The following FMN1 variants were observed in gnomAD, a reference collection of about 807,000 sequenced individuals.
The protein encoded by FMN1 is formin 1, also known as formin-1.
FMN1 carries 110 observed loss-of-function variants against 132.4 expected under a neutral mutation model. The observed-to-expected ratio is 0.83, with a 90% confidence interval of 0.71 to 0.97. FMN1 has a LOEUF of 0.97. Among genes scored for constraint, FMN1 ranks in the 50% least tolerant of loss-of-function variants. The pLI is 0.00. For missense variants in FMN1, 1,792 were observed against 1,705.3 expected, an observed-to-expected ratio of 1.05 and a Z score of -0.90; for synonymous variants, 722 against 651.7, an observed-to-expected ratio of 1.11 and a Z score of -1.64.
intron 4 of FMN1, among the ~76,000 whole-genome samples, chr15:33,138,669 T>C (rs1963876860): frequency 6.6e-6 from 1 of 152,172 alleles, no homozygotes; most frequent in Non-Finnish European, 1.5e-5. Context: ...GCTCTGATTA[T>C]TCTAAAACAC....
At chr15:32,987,874 T>C (rs2033170156) in intron 7 of FMN1, among the ~76,000 whole-genome samples, 1 of 152,218 alleles carries the variant, frequency 6.6e-6, no homozygotes, top group South Asian at 2.1e-4. Context: ...TCGTTGAGTA[T>C]AATTTAGTTT....
At chr15:32,945,469 C>T (rs1328385819) in intron 9 of FMN1, among the ~76,000 whole-genome samples, 2 of 152,124 alleles carry the variant, frequency 1.3e-5, no homozygotes, top group African/African-American at 4.8e-5. Flanking sequence ...TATAATTTCT[C>T]ATCTAATAAT....
rs79857798 is a variant in FMN1 at position 32,813,485 on chromosome 15, C to T, written c.3929-9153G>A. On this transcript the variant is annotated intron_variant, in intron 17 of 20. Transcript: ENST00000616417. Reference sequence around the variant, plus strand: ...TTTGCCCCAAGGTAAGTCTTTCAACCATTTACAATACTGACAAAACACTTG... The same window carrying T: ...TTTGCCCCAAGGTAAGTCTTTCAACTATTTACAATACTGACAAAACACTTG... Among the ~76,000 whole-genome samples the T allele has an allele frequency of 2.6e-5, 4 of 152,260 alleles. No homozygotes were observed. The East Asian group carries it at 5.8e-4, about 22-fold the overall frequency.
Position 33,064,973 on chromosome 15 carries a change from C to T in FMN1, c.2145G>A (p.Leu715=). The T allele has an allele frequency of 6.2e-7, 1 of 1,612,384 alleles. No individual in the cohort carries two copies. The highest frequency in any genetic ancestry group is 1.3e-5 in the African/African-American group (1 of 75,002). The change falls in exon 6 of 21, where the codon CTG becomes CTA. Residue 715 remains leucine, a synonymous_variant. Transcript: ENST00000616417. ...KTKDTEEKVG[L]KYTEAEYQAA... ...TCACATTACCTGCTTCAGTGTACTT[C>T]AGTCCCACTTTTTCTTCTGTGTCTT...
At chr15:32,908,698 ACAT>A (rs2060488309) in intron 11 of FMN1, 120 bp from the exon 12 acceptor site, 1 of 627,074 alleles carries the variant, frequency 1.6e-6, no homozygotes, top group Non-Finnish European at 2.8e-6. Flanking sequence ...AGCATCAACA[ACAT>A]CACCTGTCAC....
chr15:32,797,002 A>G (rs2057311798), intron 19 of FMN1, among the ~76,000 whole-genome samples: 1 of 152,150 alleles, frequency 6.6e-6, no homozygotes, highest in South Asian at 2.1e-4. Context: ...TGACCCTGTA[A>G]AGGGGTTGGT....
intron 4 of FMN1, among the ~76,000 whole-genome samples, chr15:33,130,393 A>C (rs2140224457): frequency 1.3e-5 from 2 of 152,360 alleles, no homozygotes; most frequent in South Asian, 4.1e-4. Flanking sequence ...CAGTTTTATG[A>C]AACAATGTAG....
At chr15:33,045,876 T>C (rs2036656568) in intron 6 of FMN1, among the ~76,000 whole-genome samples, 1 of 152,184 alleles carries the variant, frequency 6.6e-6, no homozygotes, top group Non-Finnish European at 1.5e-5. Flanking sequence ...AAAGCCAATA[T>C]TTCAAATAAA....
intron 16 of FMN1, among the ~76,000 whole-genome samples, chr15:32,878,866 T>C (rs2059698337): frequency 6.6e-6 from 1 of 152,176 alleles, no homozygotes; most frequent in Non-Finnish European, 1.5e-5. Flanking sequence ...ATTAACCACG[T>C]GTTTTTATAA....
rs374625506 is a variant in FMN1 at position 33,018,323 on chromosome 15, CT to C, written c.2162-10249del. Among the ~76,000 whole-genome samples, 8 of 152,140 alleles carry C rather than the reference CT, an allele frequency of 5.3e-5. No individual in the cohort carries two copies. In the East Asian group the frequency reaches 1.6e-3, roughly 29 times the overall value. ...CCAATAACTGGAAGCCTTTAGGTAG[CT>C]TCAGGATGGGGGCAGGACACCTGAA... On this transcript the variant is annotated intron_variant, in intron 6 of 20. Transcript: ENST00000616417.
intron 7 of FMN1, chr15:32,970,887 G>A (rs967995310): frequency 1.3e-5 from 2 of 152,154 alleles, no homozygotes; most frequent in South Asian, 4.1e-4. Flanking sequence ...GCTATAGTCA[G>A]GAGAACTGAA....
intron 6 of FMN1, among the ~76,000 whole-genome samples, chr15:33,019,577 G>A (rs990436500): frequency 2.0e-5 from 3 of 152,172 alleles, no homozygotes; most frequent in African/African-American, 7.2e-5. Flanking sequence ...AGCCCGGGGC[G>A]GTGCGAAACT....
intron 4 of FMN1, among the ~76,000 whole-genome samples, chr15:33,126,090 A>T (rs1233579282): frequency 2.0e-5 from 3 of 152,198 alleles, no homozygotes; most frequent in Non-Finnish European, 4.4e-5. Flanking sequence ...GTGATAAAGC[A>T]CTGTGTAAAT....
chr15:33,055,922 A>G (rs952638299), intron 6 of FMN1, among the ~76,000 whole-genome samples: 1 of 152,340 alleles, frequency 6.6e-6, no homozygotes, highest in South Asian at 2.1e-4. Flanking sequence ...CAATTCATTA[A>G]AATTAAGTGA....
At chr15:33,065,613 C>T (rs1267999732) in intron 5 of FMN1, among the ~76,000 whole-genome samples, 1 of 152,134 alleles carries the variant, frequency 6.6e-6, no homozygotes, top group Non-Finnish European at 1.5e-5. Flanking sequence ...ATTTTTACAA[C>T]TAGGAGAATG....
intron 16 of FMN1, among the ~76,000 whole-genome samples, chr15:32,884,554 T>A (rs995269449): frequency 4.6e-5 from 7 of 152,184 alleles, no homozygotes; most frequent in African/African-American, 1.7e-4. Context: ...TAAGGCAACA[T>A]GTTCACAGAT....
intron 7 of FMN1, chr15:32,970,636 T>C (rs2031701775): frequency 6.6e-6 from 1 of 152,196 alleles, no homozygotes; most frequent in Admixed American, 6.6e-5. Flanking sequence ...CAGCTCCCTT[T>C]TGCATTGAAA....
chr15:33,122,796 C>T (rs1045885514), intron 4 of FMN1, among the ~76,000 whole-genome samples: 14 of 152,076 alleles, frequency 9.2e-5, no homozygotes, highest in African/African-American at 3.4e-4. Context: ...TATTCTGTTA[C>T]ATAATCTGAA....
chr15:33,004,617 G>A (rs898085574), intron 7 of FMN1, among the ~76,000 whole-genome samples: 6 of 152,172 alleles, frequency 3.9e-5, no homozygotes, highest in Admixed American at 3.9e-4. Flanking sequence ...AACCATTGTG[G>A]AAGTCAGTGT....
Sources: gnomAD v4.1 joint callset for allele counts (sites outside exome capture counted in the v4.1 genomes callset) on GRCh38, gnomAD v4.1.1 for gene constraint, MANE v1.5 for transcripts, NCBI Gene and HGNC (gene_info 2026-07-23, HGNC 2026-07-21) for gene names.